PDS5B: variants seen among roughly 807,000 people sequenced by gnomAD.
PDS5B encodes the protein PDS5 cohesin associated factor B.
Under a neutral mutation model 184.1 loss-of-function variants are expected in PDS5B, and 51 were observed. The ratio of observed to expected loss-of-function variants is 0.28; its 90% CI spans 0.22 to 0.35. PDS5B has a LOEUF of 0.35. Among genes scored for constraint, PDS5B ranks in the 10% least tolerant of loss-of-function variants. PDS5B has a pLI of 1.00. For missense variants in PDS5B, 1,180 were observed against 1,723.3 expected (o/e 0.68, Z 5.58); for synonymous variants, 566 against 569.2 (o/e 0.99, Z 0.08).
intron 6 of PDS5B, among the ~76,000 whole-genome samples, chr13:32,660,772 A>G (rs1246797211): frequency 2.0e-5 from 3 of 152,162 alleles, no homozygotes; most frequent in Non-Finnish European, 4.4e-5. Context: ...AGGTACTTCC[A>G]GAAACTAGAA....
chr13:32,657,243 A>G (rs1166188582), intron 3 of PDS5B, among the ~76,000 whole-genome samples: 3 of 152,150 alleles, frequency 2.0e-5, no homozygotes, highest in Admixed American at 2.0e-4. Flanking sequence ...TGCTTTATGA[A>G]TCTGTGTGTT....
At chr13:32,660,046 A>G (rs184509971) in intron 6 of PDS5B, among the ~76,000 whole-genome samples, 56 of 152,288 alleles carry the variant, frequency 3.7e-4, no homozygotes, top group African/African-American at 1.2e-3. Flanking sequence ...AAATTCAGAT[A>G]ATATATTTAT....
chr13:32,663,571 C>A (rs1264518672), intron 6 of PDS5B, among the ~76,000 whole-genome samples: 2 of 152,044 alleles, frequency 1.3e-5, no homozygotes, highest in Non-Finnish European at 2.9e-5. Flanking sequence ...TGAAATAGAA[C>A]TTAAATTGAT....
intron 15 of PDS5B, among the ~76,000 whole-genome samples, chr13:32,699,258 CA>C (rs1951797387): frequency 6.6e-6 from 1 of 152,154 alleles, no homozygotes; most frequent in South Asian, 2.1e-4. Context: ...ATAGGTTGCT[CA>C]GTATATATCA....
chr13:32,603,602 T>C lies in PDS5B; in HGVS notation c.-20+17009T>C, dbSNP rs145815810. Among the ~76,000 whole-genome samples the C allele has an allele frequency of 8.8e-3, 1,347 of 152,266 alleles. 18 individuals carry two copies. The highest frequency in any genetic ancestry group is 0.031 in the African/African-American group (1,271 of 41,544). On this transcript the variant is annotated intron_variant, in intron 1 of 34. Coordinates refer to ENST00000315596, the MANE Select transcript of PDS5B (RefSeq NM_015032.4). The stretch of plus-strand genomic sequence containing the variant: ...GGGCTGTTTTGTGGTTCCATATGAA[T>C]TTTGAAGTAGTTTTTCCCAATTCTG...
intron 1 of PDS5B, among the ~76,000 whole-genome samples, chr13:32,614,138 G>A (rs908942984): frequency 3.3e-5 from 5 of 152,094 alleles, no homozygotes; most frequent in African/African-American, 4.8e-5. Context: ...TAGCTTTGGG[G>A]TAAGTTATGA....
intron 6 of PDS5B, among the ~76,000 whole-genome samples, chr13:32,662,805 C>A (rs35792522): frequency 6.6e-6 from 1 of 151,972 alleles, no homozygotes. Flanking sequence ...CATCAAAACC[C>A]TAAGTTAGTA....
chr13:32,624,985 T>C (rs567686264), intron 1 of PDS5B, among the ~76,000 whole-genome samples: 1 of 152,298 alleles, frequency 6.6e-6, no homozygotes, highest in East Asian at 1.9e-4. Context: ...CCTTACTTTT[T>C]TGAGCTCAGC....
intron 2 of PDS5B, chr13:32,650,373 C>G (rs1352354236): frequency 1.3e-5 from 2 of 152,080 alleles, no homozygotes. Flanking sequence ...CATCCTCCTT[C>G]TTAGAAAAAT....
At chr13:32,674,640 GA>G (rs1386174805) in intron 8 of PDS5B, among the ~76,000 whole-genome samples, 1 of 150,390 alleles carries the variant, frequency 6.6e-6, no homozygotes, top group Non-Finnish European at 1.5e-5. Context: ...AGAGGAAGAG[GA>G]AAAAAAATCC....
At chr13:32,608,219 G>A (rs1312549105) in intron 1 of PDS5B, among the ~76,000 whole-genome samples, 2 of 152,136 alleles carry the variant, frequency 1.3e-5, no homozygotes, top group African/African-American at 4.8e-5. Context: ...CTGATGGAAG[G>A]AAAGCCAGTG....
chr13:32,602,001 G>T (rs974701763), intron 1 of PDS5B, among the ~76,000 whole-genome samples: 1 of 152,104 alleles, frequency 6.6e-6, no homozygotes, highest in Non-Finnish European at 1.5e-5. Flanking sequence ...ACTGTAAGAA[G>T]TTAGGTTTTA....
At position 32,648,754 on chromosome 13, in the gene PDS5B, G is replaced by C. The variant is rs200185383; in HGVS notation, c.-19G>C. ...GCATCTAATAGTTTTCTTGTTTCAG[G>C]GGTAGAAATATTTCTGTCATGGCTC... is the stretch of plus-strand genomic sequence containing the variant. On this transcript the variant is annotated splice_region_variant and 5_prime_UTR_variant, in exon 2 of 35. Coordinates refer to ENST00000315596, the MANE Select transcript of PDS5B (RefSeq NM_015032.4). The C allele has an allele frequency of 1.8e-5, 19 of 1,083,332 alleles. No homozygotes were observed. In the African/African-American group the frequency reaches 2.8e-4, roughly 16 times the overall value. 67.1% of individuals were successfully genotyped at this position (1,083,332 alleles called of 1,614,324 possible). A position where few individuals can be genotyped will look rare whatever the true frequency, so the allele number is the denominator to read the frequency against.
At chr13:32,654,240 CTA>C (rs1221622458) in intron 3 of PDS5B, among the ~76,000 whole-genome samples, 1 of 152,020 alleles carries the variant, frequency 6.6e-6, no homozygotes, top group East Asian at 1.9e-4. Context: ...ATCTGTATGT[CTA>C]TATATTTTGT....
chr13:32,762,487 C>G (rs186429037), intron 30 of PDS5B, among the ~76,000 whole-genome samples: 2 of 152,198 alleles, frequency 1.3e-5, no homozygotes, highest in East Asian at 3.9e-4. Flanking sequence ...GTGGCTAATA[C>G]CAAAGTGACC....
chr13:32,661,621 A>G (rs1478044268), intron 6 of PDS5B, among the ~76,000 whole-genome samples: 1 of 152,040 alleles, frequency 6.6e-6, no homozygotes, highest in African/African-American at 2.4e-5. Context: ...AGTTAGCTTG[A>G]AATATTCCAG....
chr13:32,635,001 CT>C lies in PDS5B; in HGVS notation c.-19-13732del, dbSNP rs4057820. On this transcript the variant is annotated intron_variant, in intron 1 of 34. Transcript: ENST00000315596. The stretch of plus-strand genomic sequence containing the variant: ...ACCTCAGCAATATTTCTTACTGCCT[CT>C]TTTTTTTTTTTTTTTTTTTTAAAGA... Among the ~76,000 whole-genome samples, 1,058 of 129,074 alleles carry C rather than the reference CT, an allele frequency of 8.2e-3. 8 individuals are homozygous for C. Among genetic ancestry groups the C allele is most frequent in the South Asian group, 0.026 (107 of 4,096 alleles). 84.7% of individuals were successfully genotyped at this position (129,074 alleles called of 152,430 possible).
At chr13:32,715,831 G>A (rs1335750294) in intron 19 of PDS5B, among the ~76,000 whole-genome samples, 5 of 152,206 alleles carry the variant, frequency 3.3e-5, no homozygotes, top group Admixed American at 2.0e-4. Flanking sequence ...ACTGGTTTTC[G>A]TATTTTTTTG....
chr13:32,638,327 G>C (rs1182604101), intron 1 of PDS5B, among the ~76,000 whole-genome samples: 2 of 152,176 alleles, frequency 1.3e-5, no homozygotes, highest in Non-Finnish European at 2.9e-5. Context: ...CACATTGTAA[G>C]GGTGTAGATA....
Sources: allele counts gnomAD v4.1 joint callset (sites outside exome capture counted in the v4.1 genomes callset), GRCh38; gene constraint gnomAD v4.1.1; transcripts MANE v1.5; gene names NCBI Gene and HGNC (gene_info 2026-07-23, HGNC 2026-07-21).